The following MACROD2 variants were observed in gnomAD, a reference collection of about 807,000 sequenced individuals.
MACROD2 encodes mono-ADP ribosylhydrolase 2, also known as ADP-ribose glycohydrolase MACROD2.
In MACROD2, 36 loss-of-function variants were observed where a neutral mutation model predicts 70.4. That is an observed-to-expected ratio of 0.51 (90% confidence interval 0.39 to 0.68). MACROD2 has a LOEUF of 0.68. Ranked by LOEUF, MACROD2 falls within the 30% of genes least tolerant of loss-of-function variation. MACROD2 has a pLI of 0.00. For synonymous variants in MACROD2, 172 were observed against 178.8 expected (o/e 0.96, Z 0.30); for missense variants, 496 against 538.4 (o/e 0.92, Z 0.78).
chr20:15,838,256 C>G lies in MACROD2; in HGVS notation c.646-24489C>G, dbSNP rs75030143. ...AAAGTAAACAATAAACTCAGAAGCT[C>G]CCAATGCTCTTCAGTGTAGGAGAAA... is the stretch of plus-strand genomic sequence containing the variant. On this transcript the variant is annotated intron_variant, in intron 8 of 17. Coordinates refer to ENST00000684519, the MANE Select transcript of MACROD2 (RefSeq NM_001351661.2). 6.4e-3 allele frequency among the ~76,000 whole-genome samples: 968 copies of G among 152,138 alleles called. 12 individuals are homozygous for G. In the East Asian group the frequency reaches 0.078, roughly 12 times the overall value.
At chr20:14,789,633 G>T (rs923655787) in intron 5 of MACROD2, among the ~76,000 whole-genome samples, 1 of 151,406 alleles carries the variant, frequency 6.6e-6, no homozygotes, top group Non-Finnish European at 1.5e-5. Flanking sequence ...TAGCCACCAT[G>T]CCTGGCTAAT....
At chr20:15,191,483 CTG>C (rs201986681) in intron 5 of MACROD2, among the ~76,000 whole-genome samples, 1,950 of 151,262 alleles carry the variant, frequency 0.013, 37 homozygotes, top group African/African-American at 0.044. Context: ...GCAGCCAAAA[CTG>C]TGTGCTGCAG....
At chr20:14,871,974 A>G (rs1380456606) in intron 5 of MACROD2, among the ~76,000 whole-genome samples, 2 of 152,162 alleles carry the variant, frequency 1.3e-5, no homozygotes, top group African/African-American at 4.8e-5. Context: ...AGATCTAACT[A>G]TGCTAAATAT....
intron 10 of MACROD2, among the ~76,000 whole-genome samples, chr20:15,901,442 C>T (rs571013760): frequency 5.0e-4 from 76 of 152,300 alleles, no homozygotes; most frequent in Non-Finnish European, 8.5e-4. Flanking sequence ...TGATGCTGTG[C>T]AGTGAGCCAC....
chr20:14,195,297 G>A (rs1161118155), intron 3 of MACROD2, among the ~76,000 whole-genome samples: 2 of 152,038 alleles, frequency 1.3e-5, no homozygotes, highest in African/African-American at 4.8e-5. Flanking sequence ...AACTCTCCTT[G>A]TTGCCTTGTT....
chr20:15,299,022 C>T (rs542418532), intron 6 of MACROD2, among the ~76,000 whole-genome samples: 1 of 152,232 alleles, frequency 6.6e-6, no homozygotes, highest in South Asian at 2.1e-4. Flanking sequence ...TACACCACCA[C>T]CAAAATAATG....
intron 5 of MACROD2, among the ~76,000 whole-genome samples, chr20:15,086,087 G>T (rs1402722273): frequency 6.6e-6 from 1 of 151,982 alleles, no homozygotes; most frequent in Non-Finnish European, 1.5e-5. Flanking sequence ...AGCAATACAC[G>T]TCCCACATCT....
At chr20:14,334,667 G>A (rs2082904948) in intron 3 of MACROD2, among the ~76,000 whole-genome samples, 1 of 151,644 alleles carries the variant, frequency 6.6e-6, no homozygotes, top group African/African-American at 2.4e-5. Flanking sequence ...GTGGGGGGTG[G>A]GAGGGAAGGG....
At chr20:14,197,799 T>C (rs981921873) in intron 3 of MACROD2, among the ~76,000 whole-genome samples, 1 of 152,106 alleles carries the variant, frequency 6.6e-6, no homozygotes, top group Admixed American at 6.6e-5. Context: ...TTTGCTACTC[T>C]TAACAGAGAA....
chr20:14,647,836 C>T (rs187026928), intron 4 of MACROD2, among the ~76,000 whole-genome samples: 278 of 152,076 alleles, frequency 1.8e-3, no homozygotes, highest in African/African-American at 6.3e-3. Flanking sequence ...TCCATTGTCC[C>T]GGGATTTACA....
intron 8 of MACROD2, among the ~76,000 whole-genome samples, chr20:15,600,238 A>T (rs2048800822): frequency 6.6e-6 from 1 of 151,540 alleles, no homozygotes; most frequent in African/African-American, 2.4e-5. Context: ...TGGCTTCCAG[A>T]AGTTCATTCT....
chr20:14,723,256 T>C (rs2071490876), intron 5 of MACROD2, among the ~76,000 whole-genome samples: 1 of 152,128 alleles, frequency 6.6e-6, no homozygotes, highest in East Asian at 1.9e-4. Context: ...AGTTTTCTCA[T>C]CAGGAGCATG....
chr20:15,168,466 TGTG>T, intron 5 of MACROD2, among the ~76,000 whole-genome samples: 1 of 151,136 alleles, frequency 6.6e-6, no homozygotes, highest in Non-Finnish European at 1.5e-5. Flanking sequence ...TGTGTGTGTG[TGTG>T]TGTGTGTGTG....
chr20:15,103,691 A>T (rs1211211789), intron 5 of MACROD2, among the ~76,000 whole-genome samples: 1 of 152,108 alleles, frequency 6.6e-6, no homozygotes, highest in Non-Finnish European at 1.5e-5. Context: ...GAATAAGATG[A>T]TTTTACATAG....
At chr20:15,693,858 T>A (rs537613759) in intron 8 of MACROD2, among the ~76,000 whole-genome samples, 13 of 151,878 alleles carry the variant, frequency 8.6e-5, no homozygotes, top group African/African-American at 3.1e-4. Context: ...TTTTAATCCC[T>A]TGCCCCCCTC....
chr20:14,196,015 C>G (rs2081428793), intron 3 of MACROD2, among the ~76,000 whole-genome samples: 1 of 152,170 alleles, frequency 6.6e-6, no homozygotes, highest in South Asian at 2.1e-4. Flanking sequence ...CACACACCCA[C>G]TGGGGCTTCA....
chr20:14,562,459 A>G (rs1401778013), intron 4 of MACROD2, among the ~76,000 whole-genome samples: 1 of 151,904 alleles, frequency 6.6e-6, no homozygotes, highest in Admixed American at 6.6e-5. Flanking sequence ...GTTTTACACA[A>G]AAAGAGTATA....
intron 5 of MACROD2, among the ~76,000 whole-genome samples, chr20:14,789,710 A>G (rs1464338532): frequency 3.3e-5 from 5 of 151,800 alleles, no homozygotes; most frequent in Non-Finnish European, 7.4e-5. Context: ...TCCTGACCTC[A>G]GGTGATCCTC....
intron 4 of MACROD2, among the ~76,000 whole-genome samples, chr20:14,658,621 TG>T (rs1445236619): frequency 1.3e-5 from 2 of 152,194 alleles, no homozygotes; most frequent in African/African-American, 2.4e-5. Context: ...TTTGTTTGTT[TG>T]TTTTTTTGGG....
Sources: gnomAD v4.1 joint callset for allele counts (sites outside exome capture counted in the v4.1 genomes callset) on GRCh38, gnomAD v4.1.1 for gene constraint, MANE v1.5 for transcripts, NCBI Gene and HGNC (gene_info 2026-07-23, HGNC 2026-07-21) for gene names.